VAPA: variants seen among roughly 807,000 people sequenced by gnomAD.
VAPA encodes vesicle-associated membrane protein-associated protein A.
A neutral mutation model predicts 25.6 loss-of-function variants in VAPA; 6 were observed. The observed-to-expected ratio is 0.23, with a 90% CI of 0.13 to 0.46. The LOEUF (loss-of-function observed/expected upper bound fraction) is 0.46. Among genes scored for constraint, VAPA ranks in the 20% least tolerant of loss-of-function variants. VAPA has a pLI of 0.99. For missense variants in VAPA, 244 were observed against 302.1 expected (o/e 0.81, Z 1.43); for synonymous variants, 112 against 106.2 (o/e 1.05, Z -0.34).
At chr18:9,929,944 C>G (rs2069236801) in intron 1 of VAPA, among the ~76,000 whole-genome samples, 1 of 151,980 alleles carries the variant, frequency 6.6e-6, no homozygotes, top group Non-Finnish European at 1.5e-5. Context: ...ATTTTTATGT[C>G]TAGAAAGCCC....
At chr18:9,934,785 T>C (rs2143355439) in intron 2 of VAPA, among the ~76,000 whole-genome samples, 1 of 152,260 alleles carries the variant, frequency 6.6e-6, no homozygotes, top group African/African-American at 2.4e-5. Context: ...CATGGAACCT[T>C]AGAAAACTTA....
At chr18:9,924,611 G>GT (rs1177772346) in intron 1 of VAPA, among the ~76,000 whole-genome samples, 4 of 152,176 alleles carry the variant, frequency 2.6e-5, no homozygotes, top group African/African-American at 7.2e-5. Context: ...GTTTAAGGTA[G>GT]TTTTTTAAGA....
intron 3 of VAPA, 120 bp from the exon 4 acceptor site, chr18:9,936,866 C>T: frequency 4.2e-6 from 3 of 715,772 alleles, no homozygotes; most frequent in Admixed American, 4.7e-5. Context: ...ATAAAGAGTG[C>T]ACCAGTGTGT....
chr18:9,925,494 GTATTACTC>G (rs2069193143), intron 1 of VAPA, among the ~76,000 whole-genome samples: 4 of 151,836 alleles, frequency 2.6e-5, no homozygotes. Context: ...TTCCCAGAAA[GTATTACTC>G]TATTTGTACA....
At chr18:9,934,705 G>A (rs1312730705) in intron 2 of VAPA, among the ~76,000 whole-genome samples, 1 of 145,046 alleles carries the variant, frequency 6.9e-6, no homozygotes, top group African/African-American at 2.5e-5. Context: ...TTGTGTAACT[G>A]TTGATTGATT....
chr18:9,914,352 C>T lies in VAPA; in HGVS notation c.79+17C>T, dbSNP rs2069091136. ...AATTCAAAGGTAGGCAGAACGGGGA[C>T]ACCCCCGGGTGGGGTGGGGCGCGCG... On this transcript the variant is annotated intron_variant, in intron 1 of 5. Coordinates refer to ENST00000400000, the MANE Select transcript of VAPA (RefSeq NM_194434.3). 1 of 1,567,860 alleles carries T rather than the reference C, an allele frequency of 6.4e-7. No homozygotes were observed. Among genetic ancestry groups the T allele is most frequent in the South Asian group, 1.2e-5 (1 of 86,846 alleles).
chr18:9,944,584 TATTA>T lies in VAPA; in HGVS notation c.418-5806_418-5803del, dbSNP rs148789821. On this transcript the variant is annotated intron_variant, in intron 4 of 5. Coordinates refer to ENST00000400000, the MANE Select transcript of VAPA (RefSeq NM_194434.3). Reference sequence around the variant, plus strand: ...GCTTGTTTTTCAGATTATTGACAATTATTAATTAGTAAACATTAAAAGCCACAAA... The same window carrying T: ...GCTTGTTTTTCAGATTATTGACAATTATTAGTAAACATTAAAAGCCACAAA... Among the ~76,000 whole-genome samples, 569 of 152,294 alleles carry T rather than the reference TATTA, an allele frequency of 3.7e-3. 1 individual carries two copies. The highest frequency in any genetic ancestry group is 8.8e-3 in the African/African-American group (367 of 41,566).
chr18:9,947,993 G>A (rs2069443591), intron 4 of VAPA: 1 of 152,116 alleles, frequency 6.6e-6, no homozygotes, highest in East Asian at 1.9e-4. Flanking sequence ...TTTGTAAGGG[G>A]CCTAGGTAGT....
At chr18:9,949,233 AG>A (rs2069460658) in intron 4 of VAPA, 1 of 152,240 alleles carries the variant, frequency 6.6e-6, no homozygotes, top group Non-Finnish European at 1.5e-5. Flanking sequence ...AGAGAATTGA[AG>A]TAGGCTGCTT....
At chr18:9,919,458 A>G (rs1018395074) in intron 1 of VAPA, among the ~76,000 whole-genome samples, 9 of 152,232 alleles carry the variant, frequency 5.9e-5, no homozygotes, top group African/African-American at 2.2e-4. Context: ...TTCTAACAAG[A>G]GAGATAGATA....
chr18:9,959,986 A>G lies in VAPA; in HGVS notation c.*5775A>G, dbSNP rs1290163149. On this transcript the variant is annotated 3_prime_UTR_variant, in exon 6 of 6. Coordinates refer to ENST00000400000, the MANE Select transcript of VAPA (RefSeq NM_194434.3). ...AAGGATATATTTCACATGAAAACAA[A>G]TACAAACGAGAATCAAAATAAAGTT... The G allele has an allele frequency of 8.2e-6, 1 of 121,348 alleles. No individual in the cohort carries two copies. The highest frequency in any genetic ancestry group is 2.0e-4 in the East Asian group (1 of 5,098). The allele number at this position is 121,348 out of a possible 1,614,324, so 7.5% of individuals were successfully genotyped here.
At chr18:9,947,021 T>C (rs1268896387) in intron 4 of VAPA, among the ~76,000 whole-genome samples, 1 of 152,178 alleles carries the variant, frequency 6.6e-6, no homozygotes, top group African/African-American at 2.4e-5. Flanking sequence ...GGCGGGATCA[T>C]CAGTATCACT....
chr18:9,937,676 A>G (rs377661789), intron 4 of VAPA, among the ~76,000 whole-genome samples: 36 of 152,138 alleles, frequency 2.4e-4, no homozygotes, highest in African/African-American at 7.5e-4. Flanking sequence ...TACCTTGTCC[A>G]TTTCCCTGTC....
At chr18:9,925,261 T>G (rs749584057) in intron 1 of VAPA, among the ~76,000 whole-genome samples, 1 of 151,660 alleles carries the variant, frequency 6.6e-6, no homozygotes, top group Non-Finnish European at 1.5e-5. Flanking sequence ...ATAATATGAT[T>G]GTATAATATG....
At position 9,955,868 on chromosome 18, in the gene VAPA, C is replaced by G. The variant is rs972232966; in HGVS notation, c.*1657C>G. On this transcript the variant is annotated 3_prime_UTR_variant, in exon 6 of 6. Transcript: ENST00000400000. ...TATGCTGCATGCTTTACTGCCATTGCTGTATGCTTTACTGTCTTTGTAAAA... is the reference window on the plus strand; with the variant it reads ...TATGCTGCATGCTTTACTGCCATTGGTGTATGCTTTACTGTCTTTGTAAAA... 6.6e-6 allele frequency: 1 copy of G among 152,100 alleles called. No individual in the cohort carries two copies. The highest frequency in any genetic ancestry group is 6.6e-5 in the Admixed American group (1 of 15,262). The allele number at this position is 152,100 out of a possible 1,614,324, so 9.4% of individuals were successfully genotyped here. A position where few individuals can be genotyped will look rare whatever the true frequency, so the allele number is the denominator to read the frequency against.
intron 5 of VAPA, among the ~76,000 whole-genome samples, chr18:9,951,902 G>A (rs1206933233): frequency 2.6e-5 from 4 of 152,164 alleles, no homozygotes; most frequent in Non-Finnish European, 4.4e-5. Context: ...AGGGGTACCC[G>A]TCTGCTTCCA....
At chr18:9,915,130 C>T (rs920231398) in intron 1 of VAPA, 7 of 152,440 alleles carry the variant, frequency 4.6e-5, no homozygotes, top group Non-Finnish European at 7.3e-5. Flanking sequence ...AGTAGCGGGG[C>T]TTCCTGCCTT....
intron 5 of VAPA, among the ~76,000 whole-genome samples, chr18:9,953,650 A>G (rs558234670): frequency 2.6e-5 from 4 of 152,304 alleles, no homozygotes; most frequent in African/African-American, 7.2e-5. Context: ...GATTTTAAAT[A>G]CCATGGGCCA....
chr18:9,947,072 G>T (rs2069432674), intron 4 of VAPA, among the ~76,000 whole-genome samples: 1 of 152,158 alleles, frequency 6.6e-6, no homozygotes, highest in Non-Finnish European at 1.5e-5. Context: ...AATGTCTTCA[G>T]GGACAGTAAC....
Sources: gnomAD v4.1 joint callset for allele counts (sites outside exome capture counted in the v4.1 genomes callset) on GRCh38, gnomAD v4.1.1 for gene constraint, MANE v1.5 for transcripts, NCBI Gene and HGNC (gene_info 2026-07-23, HGNC 2026-07-21) for gene names.